UBAC2: variants seen among roughly 807,000 people sequenced by gnomAD.
The protein encoded by UBAC2 is UBA domain containing 2.
UBAC2 carries 26 observed loss-of-function variants against 44.0 expected under a neutral mutation model. That is an observed-to-expected ratio of 0.59 (90% CI 0.43 to 0.82). The LOEUF is 0.82. UBAC2 is among the 40% of genes least tolerant of loss of function. The probability of loss-of-function intolerance (pLI) is 0.00; values close to 1 mark genes in which losing one functional copy is unlikely to be tolerated. For missense variants in UBAC2, 329 were observed against 419.4 expected (o/e 0.78, Z 1.88); for synonymous variants, 155 against 154.3 (o/e 1.00, Z -0.04).
intron 1 of UBAC2, among the ~76,000 whole-genome samples, chr13:99,218,791 C>T (rs1566452050): frequency 6.6e-6 from 1 of 152,062 alleles, no homozygotes; most frequent in African/African-American, 2.4e-5. Flanking sequence ...CCTTTTGATC[C>T]CTGGACAGTC....
In UBAC2 at chr13:99,276,757, C is replaced by T. The variant is rs541351473; in HGVS notation, c.389+32133C>T. Among the ~76,000 whole-genome samples, 3 of 152,312 alleles carry T rather than the reference C, an allele frequency of 2.0e-5. No homozygotes were observed. In the South Asian group the frequency reaches 6.2e-4, roughly 32 times the overall value. On this transcript the variant is annotated intron_variant, in intron 4 of 8. Transcript: ENST00000403766. The stretch of plus-strand genomic sequence containing the variant: ...ATCCAGGGGCTCTACCTAAATAACC[C>T]ATTAGGGTAAATTCAGATGTGGTTG...
chr13:99,383,572 A>G (rs2045578773), intron 8 of UBAC2, among the ~76,000 whole-genome samples: 1 of 152,052 alleles, frequency 6.6e-6, no homozygotes, highest in Non-Finnish European at 1.5e-5. Flanking sequence ...AGCCCTCCCC[A>G]CCGCAAGGCA....
chr13:99,372,804 G>A (rs1440560655), intron 8 of UBAC2: 2 of 152,244 alleles, frequency 1.3e-5, no homozygotes, highest in African/African-American at 4.8e-5. Flanking sequence ...TACGCTCAAT[G>A]TCTGCTATCT....
chr13:99,248,113 G>A (rs1175071530), intron 4 of UBAC2, among the ~76,000 whole-genome samples: 1 of 151,970 alleles, frequency 6.6e-6, no homozygotes. Flanking sequence ...GGGCTATCTT[G>A]CCCACTTTCT....
Position 99,316,776 on chromosome 13 carries a change from G to A in UBAC2, c.514-1246G>A, listed in dbSNP as rs572771442. ...ACTTGCGTATGAGACCTGGAAGAGT[G>A]GAGAGCATGGCTGTAGAGCCAGTCC... is the stretch of plus-strand genomic sequence containing the variant. On this transcript the variant is annotated intron_variant, in intron 5 of 8. Coordinates refer to ENST00000403766, the MANE Select transcript of UBAC2 (RefSeq NM_001144072.2). Among the ~76,000 whole-genome samples the A allele has an allele frequency of 1.3e-5, 2 of 152,356 alleles. 1 individual carries two copies. Among genetic ancestry groups the A allele is most frequent in the South Asian group, 4.1e-4 (2 of 4,824 alleles).
intron 4 of UBAC2, among the ~76,000 whole-genome samples, chr13:99,263,311 G>T (rs985295602): frequency 6.6e-6 from 1 of 152,208 alleles, no homozygotes; most frequent in Admixed American, 6.5e-5. Flanking sequence ...ACATGTAATT[G>T]TGGTGTCTGG....
At chr13:99,358,209 A>G (rs1201236712) in intron 7 of UBAC2, among the ~76,000 whole-genome samples, 1 of 152,218 alleles carries the variant, frequency 6.6e-6, no homozygotes, top group Non-Finnish European at 1.5e-5. Context: ...AGCCCAGGTA[A>G]GAAATTTCTG....
intron 1 of UBAC2, among the ~76,000 whole-genome samples, chr13:99,223,444 A>G (rs2043073121): frequency 6.7e-6 from 1 of 148,184 alleles, no homozygotes; most frequent in South Asian, 2.1e-4. Flanking sequence ...ATTTGTCTCT[A>G]TTATAGTTTG....
chr13:99,227,550 T>C (rs1458558857), intron 1 of UBAC2, among the ~76,000 whole-genome samples: 1 of 152,190 alleles, frequency 6.6e-6, no homozygotes, highest in African/African-American at 2.4e-5. Flanking sequence ...AGTCCTACCA[T>C]GTGTTTGGGA....
intron 7 of UBAC2, among the ~76,000 whole-genome samples, chr13:99,365,592 A>G (rs2045319752): frequency 6.6e-6 from 1 of 151,796 alleles, no homozygotes; most frequent in African/African-American, 2.4e-5. Context: ...TTTGATGTTG[A>G]TTTCTCATTT....
At chr13:99,340,255 G>C (rs2044863683) in intron 6 of UBAC2, 65 bp from the exon 7 acceptor site, 2 of 1,565,958 alleles carry the variant, frequency 1.3e-6, no homozygotes, top group South Asian at 2.4e-5. Context: ...GCTGATTTTT[G>C]AGTCGTGTAC....
At chr13:99,335,924 G>A (rs1474748743) in intron 6 of UBAC2, among the ~76,000 whole-genome samples, 1 of 151,920 alleles carries the variant, frequency 6.6e-6, no homozygotes, top group Non-Finnish European at 1.5e-5. Context: ...GGAGGCAGAG[G>A]CAGGAGGATC....
At chr13:99,261,200 G>A (rs988133821) in intron 4 of UBAC2, among the ~76,000 whole-genome samples, 6 of 152,198 alleles carry the variant, frequency 3.9e-5, no homozygotes, top group African/African-American at 1.4e-4. Context: ...TATCCCAGCA[G>A]GGGGACAGTC....
rs778598512 is a variant in UBAC2, at chr13:99,295,320, T to C, written c.390-18777T>C. ...TGTCTTTGGCTACATTCCAGGAAAT[T>C]AGAGAAACGAAGCTTCTTAATCATA... is the stretch of plus-strand genomic sequence containing the variant. On this transcript the variant is annotated intron_variant, in intron 4 of 8. Coordinates refer to ENST00000403766, the MANE Select transcript of UBAC2 (RefSeq NM_001144072.2). This position sits in a 1 kb window ranked among gnomAD's most constrained non-coding sequence, Gnocchi z 4.1. The C allele has an allele frequency of 6.2e-7, 1 of 1,614,088 alleles. No homozygotes were observed. The highest frequency in any genetic ancestry group is 8.5e-7 in the Non-Finnish European group (1 of 1,179,996).
At position 99,367,767 on chromosome 13, in the gene UBAC2, G is replaced by T. The variant is rs767841085; in HGVS notation, c.808-20G>T. 1 of 1,613,878 alleles carries T rather than the reference G, an allele frequency of 6.2e-7. No individual in the cohort carries two copies. Among genetic ancestry groups the T allele is most frequent in the Non-Finnish European group, 8.5e-7 (1 of 1,179,840 alleles). On this transcript the variant is annotated intron_variant, in intron 7 of 8. Coordinates refer to ENST00000403766, the MANE Select transcript of UBAC2 (RefSeq NM_001144072.2). ...TCTGCTCCTTCTGTGTCTGATAACT[G>T]TGTGTTGATCTCTTTTTAGGGAGGA...
intron 4 of UBAC2, chr13:99,254,907 T>C: frequency 6.2e-7 from 1 of 1,613,910 alleles, no homozygotes; most frequent in Non-Finnish European, 8.5e-7. Context: ...TATTGCTTAG[T>C]GACCGTAGAC....
At position 99,358,857 on chromosome 13, in the gene UBAC2, C is replaced by T. The variant is rs979491652; in HGVS notation, c.808-8930C>T. On this transcript the variant is annotated intron_variant, in intron 7 of 8. Coordinates refer to ENST00000403766, the MANE Select transcript of UBAC2 (RefSeq NM_001144072.2). ...GGGTGGGAGATGAGTTTGTTTGGGA[C>T]GTGTTCTATCTTAGGTGTCTCCTTA... is the stretch of plus-strand genomic sequence containing the variant. Among the ~76,000 whole-genome samples the T allele has an allele frequency of 4.6e-5, 7 of 152,174 alleles. 1 individual carries two copies. Among genetic ancestry groups the T allele is most frequent in the Middle Eastern group, 3.4e-3 (1 of 294 alleles).
At chr13:99,342,982 C>T (rs558838656) in intron 7 of UBAC2, among the ~76,000 whole-genome samples, 1 of 152,202 alleles carries the variant, frequency 6.6e-6, no homozygotes, top group Non-Finnish European at 1.5e-5. Context: ...GGCTGTTTTC[C>T]CCTCTGTCAC....
intron 4 of UBAC2, among the ~76,000 whole-genome samples, chr13:99,297,113 G>T (rs2044187485): frequency 6.6e-6 from 1 of 152,072 alleles, no homozygotes; most frequent in South Asian, 2.1e-4. Context: ...TGAACTTTTG[G>T]ATTCTTTCCA....
Sources: allele counts gnomAD v4.1 joint callset (sites outside exome capture counted in the v4.1 genomes callset), GRCh38; gene constraint gnomAD v4.1.1; non-coding constraint Gnocchi (gnomAD v3.1); transcripts MANE v1.5; gene names NCBI Gene and HGNC (gene_info 2026-07-23, HGNC 2026-07-21).